ZNF532: variants seen among roughly 807,000 people sequenced by gnomAD.
ZNF532 encodes zinc finger protein 532.
ZNF532 carries 22 observed loss-of-function variants against 89.3 expected under a neutral mutation model. The observed-to-expected ratio is 0.25, with a 90% CI of 0.18 to 0.35. The LOEUF is 0.35. ZNF532 is among the 10% of genes least tolerant of loss of function. The pLI is 1.00. For synonymous variants in ZNF532, 606 were observed against 649.6 expected, an observed-to-expected ratio of 0.93 and a Z score of 1.02; for missense variants, 1,132 against 1,643.4, an observed-to-expected ratio of 0.69 and a Z score of 5.38.
intron 3 of ZNF532, 110 bp downstream of exon 3, chr18:58,920,743 TGTGTGTGTGTGTGTGTG>T (rs2060989035): frequency 1.5e-5 from 1 of 65,162 alleles, no homozygotes; most frequent in South Asian, 7.4e-4. Flanking sequence ...GACGTGTGTG[TGTGTGTGTGTGTGTGTG>T]TGTGTGTGTG....
chr18:58,966,532 A>G (rs1271615735), intron 7 of ZNF532, among the ~76,000 whole-genome samples: 2 of 152,202 alleles, frequency 1.3e-5, no homozygotes, highest in Non-Finnish European at 1.5e-5. Flanking sequence ...AGAAGGAACC[A>G]TAAGGTTTGC....
In ZNF532 at chr18:58,919,391, A is replaced by T; in HGVS notation, c.1104A>T (p.Thr368=). The part of the protein sequence containing the change: ...IPKVRIKTIK[T]SSGEIKRTVT... ...AAGTCCGCATAAAAACCATTAAGAC[A>T]TCTTCTGGGGAAATCAAGAGAACAG... Residue 368 remains threonine, a synonymous_variant, in exon 3 of 10, where the codon ACA becomes ACT. Transcript: ENST00000591808. This position sits in a 1 kb window ranked among gnomAD's most constrained non-coding sequence, Gnocchi z 6.1. 6.2e-7 allele frequency: 1 copy of T among 1,614,230 alleles called. No individual in the cohort carries two copies. Among genetic ancestry groups the T allele is most frequent in the Non-Finnish European group, 8.5e-7 (1 of 1,180,046 alleles).
chr18:58,863,987 C>T (rs1430390238), upstream of ZNF532: 1 of 151,858 alleles, frequency 6.6e-6, no homozygotes, highest in Non-Finnish European at 1.5e-5. Flanking sequence ...CGCCAGCTGG[C>T]TTGGGGGGCC....
At position 58,918,753 on chromosome 18, in the gene ZNF532, C is replaced by G; in HGVS notation, c.466C>G (p.Arg156Gly). 6.2e-7 allele frequency: 1 copy of G among 1,614,126 alleles called. No individual in the cohort carries two copies. Among genetic ancestry groups the G allele is most frequent in the South Asian group, 1.1e-5 (1 of 91,066 alleles). The change falls in exon 3 of 10, where the codon CGA becomes GGA. Residue 156 changes from arginine (R) to glycine (G), a missense_variant. This residue lies in a region of ZNF532 where 302 missense variants were observed against 319.8 expected (regional missense o/e 0.94). Coordinates refer to ENST00000591808, the MANE Select transcript of ZNF532 (RefSeq NM_001375912.1). The stretch of plus-strand genomic sequence containing the variant: ...TGACCCCCCTGACAAGGAGGACATG[C>G]GATCAAGCTTCAGGTCGAATGTGTT... ...VDDPPDKEDM[R>G]SSFRSNVLTG...
At chr18:58,895,722 C>T (rs1790865623) in intron 2 of ZNF532, among the ~76,000 whole-genome samples, 1 of 152,196 alleles carries the variant, frequency 6.6e-6, no homozygotes, top group Non-Finnish European at 1.5e-5. Flanking sequence ...GCTCCCCACC[C>T]CTCACACTCC....
chr18:58,941,059 CA>C (rs938312375), intron 5 of ZNF532, among the ~76,000 whole-genome samples: 1,436 of 137,696 alleles, frequency 0.01, 9 homozygotes, highest in African/African-American at 0.019. Flanking sequence ...ACTGTTTTAT[CA>C]AAAAAAAAAA....
intron 2 of ZNF532, among the ~76,000 whole-genome samples, chr18:58,906,661 A>C (rs1379661572): frequency 6.6e-6 from 1 of 152,194 alleles, no homozygotes; most frequent in Non-Finnish European, 1.5e-5. Context: ...CCATGACCTC[A>C]CTTTCTTCTT....
At chr18:58,934,640 A>G (rs2062220611) in intron 4 of ZNF532, 26 bp downstream of exon 4, 1 of 1,600,080 alleles carries the variant, frequency 6.2e-7, no homozygotes, top group Non-Finnish European at 8.5e-7. Context: ...ACTTATGTGC[A>G]AGTAAAACTC....
At chr18:58,979,998 A>G (rs1185876881) in intron 8 of ZNF532, 1 of 152,268 alleles carries the variant, frequency 6.6e-6, no homozygotes, top group Non-Finnish European at 1.5e-5. Flanking sequence ...CAGCTGGAAT[A>G]TACCTGGAGT....
At chr18:58,955,365 A>G (rs2064663093) in intron 7 of ZNF532, among the ~76,000 whole-genome samples, 1 of 152,244 alleles carries the variant, frequency 6.6e-6, no homozygotes, top group Non-Finnish European at 1.5e-5. Flanking sequence ...TAATCCTAAT[A>G]CTGAGATTGA....
At chr18:58,913,487 A>C (rs1453434713) in intron 2 of ZNF532, among the ~76,000 whole-genome samples, 1 of 152,146 alleles carries the variant, frequency 6.6e-6, no homozygotes, top group Non-Finnish European at 1.5e-5. Context: ...ACAGTGGCTC[A>C]CACCTGTAAT....
chr18:58,907,071 ACCT>A (rs567051157), intron 2 of ZNF532, among the ~76,000 whole-genome samples: 135 of 152,242 alleles, frequency 8.9e-4, no homozygotes, highest in African/African-American at 3.1e-3. Flanking sequence ...CACAGGTCTC[ACCT>A]CCTCCTCCAC....
intron 7 of ZNF532, among the ~76,000 whole-genome samples, chr18:58,972,613 C>T (rs117551625): frequency 2.6e-5 from 4 of 152,238 alleles, no homozygotes; most frequent in East Asian, 3.9e-4. Flanking sequence ...CACCTGTCCC[C>T]GGATGACGCC....
intron 2 of ZNF532, among the ~76,000 whole-genome samples, chr18:58,887,521 T>C (rs2058387768): frequency 6.6e-6 from 1 of 152,174 alleles, no homozygotes; most frequent in African/African-American, 2.4e-5. Flanking sequence ...GTTCGATGCA[T>C]ATTTATTTCC....
At chr18:58,934,031 A>T (rs2146450775) in intron 3 of ZNF532, among the ~76,000 whole-genome samples, 1 of 152,334 alleles carries the variant, frequency 6.6e-6, no homozygotes, top group East Asian at 1.9e-4. Flanking sequence ...TTTTGGAGAA[A>T]GCTTTTTATG....
intron 2 of ZNF532, among the ~76,000 whole-genome samples, chr18:58,894,800 T>C (rs2059141035): frequency 1.3e-5 from 2 of 152,174 alleles, no homozygotes; most frequent in South Asian, 4.1e-4. Context: ...TCTAGGTTAA[T>C]GTTGTTGTCT....
In ZNF532 at chr18:58,934,766, C is replaced by G. The variant is rs538059807; in HGVS notation, c.2528+152C>G. On this transcript the variant is annotated intron_variant, in intron 4 of 9. Coordinates refer to ENST00000591808, the MANE Select transcript of ZNF532 (RefSeq NM_001375912.1). ...AACCTAGCTCGTTTGTAGAGTCCAT[C>G]TGTTTGAATCCTCTTAATGTAATAT... is the stretch of plus-strand genomic sequence containing the variant. 9.4e-5 allele frequency: 70 copies of G among 745,782 alleles called. 1 individual carries two copies. Among genetic ancestry groups the G allele is most frequent in the Admixed American group, 3.4e-4 (12 of 35,608 alleles). The allele number at this position is 745,782 out of a possible 1,614,324, so 46.2% of individuals were successfully genotyped here.
chr18:58,951,738 C>T (rs1277628813), intron 6 of ZNF532, among the ~76,000 whole-genome samples: 1 of 149,022 alleles, frequency 6.7e-6, no homozygotes, highest in Non-Finnish European at 1.5e-5. Flanking sequence ...CAAGCTCCGC[C>T]TCCCGGGTTC....
At chr18:58,891,302 G>T (rs1555711085) in intron 2 of ZNF532, among the ~76,000 whole-genome samples, 1 of 152,112 alleles carries the variant, frequency 6.6e-6, no homozygotes, top group Non-Finnish European at 1.5e-5. Flanking sequence ...GGCTGAGGTG[G>T]GTAGATCACT....
Sources: allele counts gnomAD v4.1 joint callset (sites outside exome capture counted in the v4.1 genomes callset), GRCh38; gene constraint gnomAD v4.1.1; regional missense constraint gnomAD v4.1.1; non-coding constraint Gnocchi (gnomAD v3.1); transcripts MANE v1.5; gene names NCBI Gene and HGNC (gene_info 2026-07-23, HGNC 2026-07-21).